MEGF10: variants seen among roughly 807,000 people sequenced by gnomAD.
The protein encoded by MEGF10 is multiple EGF like domains 10, also known as multiple epidermal growth factor-like domains protein 10.
In MEGF10, 86 loss-of-function variants were observed where a neutral mutation model predicts 147.5. That is an observed-to-expected ratio of 0.58 (90% CI 0.49 to 0.70). The LOEUF (loss-of-function observed/expected upper bound fraction) is 0.70, where lower values mean the gene tolerates loss of function less well. Among genes scored for constraint, MEGF10 ranks in the 30% least tolerant of loss-of-function variants. MEGF10 has a pLI of 0.00. For synonymous variants in MEGF10, 478 were observed against 525.5 expected (o/e 0.91, Z 1.24); for missense variants, 1,329 against 1,487.3 (o/e 0.89, Z 1.75).
intron 19 of MEGF10, among the ~76,000 whole-genome samples, chr5:127,444,106 G>A (rs773657121): frequency 6.6e-6 from 1 of 152,134 alleles, no homozygotes; most frequent in Non-Finnish European, 1.5e-5. Flanking sequence ...CCAGGGTTGG[G>A]GACTTTGAGA....
Position 127,443,013 on chromosome 5 carries a change from C to A in MEGF10, c.2378C>A (p.Thr793Lys). The A allele has an allele frequency of 6.2e-7, 1 of 1,612,924 alleles. No homozygotes were observed. Reference protein sequence around the residue: ...RHCEQKCPSGTYGYGCRQICD... With the variant: ...RHCEQKCPSGKYGYGCRQICD... ...CCTTCTCTAGAGTGCCCTTCAGGAA[C>A]ATATGGCTATGGCTGTCGCCAGATA... The change falls in exon 19 of 25, where the codon ACA (threonine) becomes AAA (lysine). Residue 793 changes from threonine (T) to lysine (K), a missense_variant. Physicochemically the swap from Thr to Lys is moderately conservative, Grantham distance 78. Transcript: ENST00000503335.
intron 5 of MEGF10, among the ~76,000 whole-genome samples, chr5:127,382,383 C>T (rs1763295221): frequency 6.6e-6 from 1 of 152,138 alleles, no homozygotes; most frequent in Non-Finnish European, 1.5e-5. Flanking sequence ...GGTTTTACTA[C>T]TCACTATTTT....
intron 1 of MEGF10, among the ~76,000 whole-genome samples, chr5:127,306,517 C>T (rs1222634202): frequency 6.6e-6 from 1 of 152,168 alleles, no homozygotes; most frequent in Non-Finnish European, 1.5e-5. Flanking sequence ...CTGGGAACTA[C>T]CATGCCCGTC....
intron 24 of MEGF10, among the ~76,000 whole-genome samples, chr5:127,456,031 A>T (rs1240414354): frequency 2.6e-5 from 4 of 152,184 alleles, no homozygotes; most frequent in Non-Finnish European, 5.9e-5. Context: ...TTATTTAGAA[A>T]AATTTAAGGT....
intron 16 of MEGF10, among the ~76,000 whole-genome samples, chr5:127,435,843 G>GA (rs996692705): frequency 7.9e-5 from 12 of 152,152 alleles, no homozygotes; most frequent in African/African-American, 2.6e-4. Context: ...TACAGAGAAA[G>GA]AAAAAATGGA....
intron 5 of MEGF10, among the ~76,000 whole-genome samples, chr5:127,385,324 A>C (rs1370794370): frequency 6.6e-6 from 1 of 151,804 alleles, no homozygotes; most frequent in Non-Finnish European, 1.5e-5. Context: ...TTTGAAACAG[A>C]GTCTCACTCT....
At chr5:127,292,533 A>G (rs145732967) in intron 1 of MEGF10, among the ~76,000 whole-genome samples, 1 of 152,320 alleles carries the variant, frequency 6.6e-6, no homozygotes, top group East Asian at 1.9e-4. Context: ...GACTGTGCTC[A>G]TCTGTAAGCT....
At chr5:127,250,164 G>A in the MEGF10 span, among the ~76,000 whole-genome samples, 3 of 151,730 alleles carry the variant, frequency 2.0e-5, no homozygotes, top group African/African-American at 4.8e-5. Context: ...TGTTAATATT[G>A]GGCAAAATAG....
At chr5:127,231,526 C>G in the MEGF10 span, among the ~76,000 whole-genome samples, 1 of 152,250 alleles carries the variant, frequency 6.6e-6, no homozygotes, top group Non-Finnish European at 1.5e-5. Context: ...ATTACTCTAT[C>G]ACATCAACCC....
chr5:127,421,387 A>T (rs770211610), intron 12 of MEGF10, among the ~76,000 whole-genome samples: 16 of 152,358 alleles, frequency 1.1e-4, no homozygotes, highest in Non-Finnish European at 1.6e-4. Flanking sequence ...TCTAGCACCC[A>T]CTACCTGTCT....
In MEGF10 at chr5:127,339,186, T is replaced by C. The variant is rs1761582460; in HGVS notation, c.183T>C (p.Thr61=). Residue 61 remains threonine (T), a synonymous_variant, in exon 3 of 25, where the codon ACT becomes ACC. Coordinates refer to ENST00000503335, the MANE Select transcript of MEGF10 (RefSeq NM_001256545.2). ...ATCAAATTTACTACACGAGCTGCAC[T>C]GACATTCTAAACTGGTTTAAATGCA... ...PFDQIYYTSC[T]DILNWFKCTR... is the part of the protein sequence containing the mutation. 6.2e-7 allele frequency: 1 copy of C among 1,612,732 alleles called. No homozygotes were observed. The highest frequency in any genetic ancestry group is 8.5e-7 in the Non-Finnish European group (1 of 1,178,982).
chr5:127,311,678 A>G lies in MEGF10; in HGVS notation c.-18-19613A>G, dbSNP rs779357804. On this transcript the variant is annotated intron_variant, in intron 1 of 24. Transcript: ENST00000503335. Reference sequence around the variant, plus strand: ...ATTTGCAGTTTTAAGAAGTTGAATGATGACATACTTCATAAAGAGAACTCT... The same window carrying G: ...ATTTGCAGTTTTAAGAAGTTGAATGGTGACATACTTCATAAAGAGAACTCT... Among the ~76,000 whole-genome samples, 91 of 152,200 alleles carry G rather than the reference A, an allele frequency of 6.0e-4. 1 individual carries two copies. The highest frequency in any genetic ancestry group is 3.2e-3 in the Middle Eastern group (1 of 314).
At chr5:127,309,902 C>T (rs552069451) in intron 1 of MEGF10, among the ~76,000 whole-genome samples, 1 of 151,802 alleles carries the variant, frequency 6.6e-6, no homozygotes, top group African/African-American at 2.4e-5. Flanking sequence ...TTTACATTTC[C>T]GTCAGCAATG....
chr5:127,323,492 A>G (rs138924794), intron 1 of MEGF10, among the ~76,000 whole-genome samples: 151 of 152,378 alleles, frequency 9.9e-4, no homozygotes, highest in African/African-American at 3.4e-3. Context: ...GTTACAATGT[A>G]GAGAAAAGAT....
chr5:127,405,705 C>A (rs543793281), intron 8 of MEGF10, among the ~76,000 whole-genome samples: 1 of 151,926 alleles, frequency 6.6e-6, no homozygotes, highest in Non-Finnish European at 1.5e-5. Flanking sequence ...ATTGGAATGG[C>A]TTCAGTATAG....
chr5:127,317,986 T>C (rs936419688), intron 1 of MEGF10, among the ~76,000 whole-genome samples: 1 of 152,090 alleles, frequency 6.6e-6, no homozygotes, highest in Non-Finnish European at 1.5e-5. Context: ...ATTGAGTTGA[T>C]TGGTAAAAAG....
intron 4 of MEGF10, among the ~76,000 whole-genome samples, chr5:127,365,884 T>G (rs1265468192): frequency 6.6e-6 from 1 of 152,196 alleles, no homozygotes; most frequent in Non-Finnish European, 1.5e-5. Context: ...AAAATATCTA[T>G]TCCCATTCAT....
At chr5:127,453,212 T>C (rs1478830963) in intron 22 of MEGF10, among the ~76,000 whole-genome samples, 4 of 152,240 alleles carry the variant, frequency 2.6e-5, no homozygotes, top group Non-Finnish European at 5.9e-5. Context: ...GTCTGTAACA[T>C]TCTTATTGTA....
intron 22 of MEGF10, among the ~76,000 whole-genome samples, chr5:127,450,953 TTCTCCATGTTGGCCAGGCTGG>T (rs2127036348): frequency 6.6e-6 from 1 of 152,198 alleles, no homozygotes; most frequent in Non-Finnish European, 1.5e-5. Context: ...GAGACAGGGT[TTCTCCATGTTGGCCAGGCTGG>T]TCTCAAACTC....
Sources: allele counts gnomAD v4.1 joint callset (sites outside exome capture counted in the v4.1 genomes callset), GRCh38; gene constraint gnomAD v4.1.1; transcripts MANE v1.5; gene names NCBI Gene and HGNC (gene_info 2026-07-23, HGNC 2026-07-21).